TMEM131: variants seen among roughly 807,000 people sequenced by gnomAD.
TMEM131 encodes transmembrane protein 131, also known as 2610524E03Rik.
TMEM131 carries 66 observed loss-of-function variants against 211.6 expected under a neutral mutation model. The observed-to-expected ratio is 0.31, with a 90% confidence interval of 0.26 to 0.38. TMEM131 has a LOEUF of 0.38. TMEM131 is among the 10% of genes least tolerant of loss of function. The pLI is 1.00. For synonymous variants in TMEM131, 844 were observed against 841.3 expected, an observed-to-expected ratio of 1.00 and a Z score of -0.06; for missense variants, 2,036 against 2,299.3, an observed-to-expected ratio of 0.89 and a Z score of 2.34.
At chr2:97,887,975 CAA>C (rs1483989442) in intron 4 of TMEM131, 75 bp downstream of exon 4, 1 of 1,183,282 alleles carries the variant, frequency 8.5e-7, no homozygotes, top group African/African-American at 1.5e-5. Flanking sequence ...GTAACACAGG[CAA>C]AAGACAAGAC....
intron 1 of TMEM131, among the ~76,000 whole-genome samples, chr2:97,986,691 A>G (rs1680042402): frequency 6.6e-6 from 1 of 152,172 alleles, no homozygotes; most frequent in African/African-American, 2.4e-5. Flanking sequence ...CCCATTCTGA[A>G]AGAGACATTA....
chr2:97,818,769 G>T (rs1290499131), intron 11 of TMEM131, 48 bp from the exon 12 acceptor site: 3 of 1,267,736 alleles, frequency 2.4e-6, no homozygotes, highest in Non-Finnish European at 3.4e-6. Context: ...CAGACTAATG[G>T]TTCAGTTGCC....
chr2:97,932,897 T>C (rs1367451573), intron 1 of TMEM131, among the ~76,000 whole-genome samples: 1 of 152,230 alleles, frequency 6.6e-6, no homozygotes, highest in Non-Finnish European at 1.5e-5. Context: ...ATGTAATGTT[T>C]TGGTCAACGA....
chr2:97,760,462 G>C, intron 38 of TMEM131, 131 bp downstream of exon 38: 2 of 858,728 alleles, frequency 2.3e-6, no homozygotes, highest in Non-Finnish European at 3.6e-6. Flanking sequence ...AGAGGCACTT[G>C]ACCACTTCTG....
At chr2:97,796,769 T>C in intron 27 of TMEM131, 75 bp downstream of exon 27, 2 of 1,448,356 alleles carry the variant, frequency 1.4e-6, no homozygotes, top group Non-Finnish European at 1.9e-6. Context: ...ACAGAAATAA[T>C]GTTGTTTTTG....
In TMEM131 at chr2:97,815,200, C is replaced by T; in HGVS notation, c.1291G>A (p.Gly431Ser). Reference protein sequence around the residue: ...EIPYQAEVLDGYLGFDHAATL... With the variant: ...EIPYQAEVLDSYLGFDHAATL... ...AATTTATTTTAAAAAGAAACTCACCCATCTAAAACTTCTGCTTGATATGGT... is the reference window on the plus strand; with the variant it reads ...AATTTATTTTAAAAAGAAACTCACCTATCTAAAACTTCTGCTTGATATGGT... The change falls in exon 13 of 41, where the codon GGT (glycine) becomes AGT (serine). Residue 431 changes from glycine to serine, a missense_variant and splice_region_variant. Transcript: ENST00000186436. 6.8e-7 allele frequency: 1 copy of T among 1,475,626 alleles called. No homozygotes were observed. Among genetic ancestry groups the T allele is most frequent in the Non-Finnish European group, 9.1e-7 (1 of 1,101,396 alleles). The allele number at this position is 1,475,626 out of a possible 1,614,324, so 91.4% of individuals were successfully genotyped here.
rs545156986 is a variant in TMEM131 at position 97,898,055 on chromosome 2, TATTTC to T, written c.291-9940_291-9936del. On this transcript the variant is annotated intron_variant, in intron 3 of 40. Transcript: ENST00000186436. ...TTATAAGATCTGTAGTGATATCCCC[TATTTC>T]ATTACTGATTTTTTTTGTCTGCCTT... Among the ~76,000 whole-genome samples, 9 of 152,274 alleles carry T rather than the reference TATTTC, an allele frequency of 5.9e-5. No individual in the cohort carries two copies. The South Asian group carries it at 1.9e-3, about 32-fold the overall frequency.
chr2:97,952,279 AG>A lies in TMEM131; in HGVS notation c.188-24793del, dbSNP rs573810829. On this transcript the variant is annotated intron_variant, in intron 1 of 40. Transcript: ENST00000186436. Reference sequence around the variant, plus strand: ...ATGAAAAATCTAACATTAGGAGAGGAGAAAAAATGTGACGCTGAGGGAGGAT... The same window carrying A: ...ATGAAAAATCTAACATTAGGAGAGGAAAAAAATGTGACGCTGAGGGAGGAT... Among the ~76,000 whole-genome samples, 18 of 152,238 alleles carry A rather than the reference AG, an allele frequency of 1.2e-4. No homozygotes were observed. The South Asian group carries it at 3.7e-3, about 32-fold the overall frequency.
intron 32 of TMEM131, among the ~76,000 whole-genome samples, chr2:97,773,181 T>A (rs1049192093): frequency 6.6e-6 from 1 of 152,242 alleles, no homozygotes; most frequent in Non-Finnish European, 1.5e-5. Flanking sequence ...CATGCTCGCC[T>A]GCCTGCGATT....
chr2:97,886,935 C>A (rs1051949764), intron 4 of TMEM131, among the ~76,000 whole-genome samples: 1 of 152,232 alleles, frequency 6.6e-6, no homozygotes. Flanking sequence ...CATATAGGAG[C>A]CCGCTGAGGC....
At chr2:97,900,503 T>C (rs1186174725) in intron 3 of TMEM131, among the ~76,000 whole-genome samples, 1 of 152,026 alleles carries the variant, frequency 6.6e-6, no homozygotes, top group African/African-American at 2.4e-5. Context: ...CAGGATTTCC[T>C]TATTTTTTAA....
At chr2:97,905,507 T>TA (rs1676032248) in intron 3 of TMEM131, among the ~76,000 whole-genome samples, 1 of 152,174 alleles carries the variant, frequency 6.6e-6, no homozygotes, top group African/African-American at 2.4e-5. Flanking sequence ...AGACATGTGT[T>TA]AGACTGCTTG....
intron 12 of TMEM131, among the ~76,000 whole-genome samples, chr2:97,817,308 C>G (rs1681875158): frequency 6.6e-6 from 1 of 152,186 alleles, no homozygotes; most frequent in South Asian, 2.1e-4. Context: ...CTTATCCTGG[C>G]TGGGTGCAGT....
intron 3 of TMEM131, among the ~76,000 whole-genome samples, chr2:97,893,088 G>A (rs1417514965): frequency 1.3e-5 from 2 of 151,908 alleles, no homozygotes; most frequent in Admixed American, 6.6e-5. Context: ...TCCCCTCCCT[G>A]CGTCCATGTG....
At chr2:97,881,732 G>C (rs1467351469) in intron 4 of TMEM131, among the ~76,000 whole-genome samples, 5 of 130,634 alleles carry the variant, frequency 3.8e-5, no homozygotes, top group African/African-American at 1.4e-4. Context: ...AAGGGGGGGG[G>C]GCGGGGGAGG....
At chr2:97,828,484 G>A (rs914548100) in intron 11 of TMEM131, among the ~76,000 whole-genome samples, 3 of 152,180 alleles carry the variant, frequency 2.0e-5, no homozygotes, top group Admixed American at 2.0e-4. Flanking sequence ...GTTAGAGATG[G>A]CCACTGCTAC....
At chr2:97,779,680 T>G (rs901767098) in intron 31 of TMEM131, among the ~76,000 whole-genome samples, 1 of 152,140 alleles carries the variant, frequency 6.6e-6, no homozygotes, top group African/African-American at 2.4e-5. Context: ...CAGCAATCTA[T>G]TTAACAAGAC....
At chr2:97,843,758 A>G (rs527283547) in intron 6 of TMEM131, among the ~76,000 whole-genome samples, 4 of 152,340 alleles carry the variant, frequency 2.6e-5, no homozygotes, top group African/African-American at 9.6e-5. Context: ...CCAAAATTCT[A>G]TGTAAAAATA....
At chr2:97,786,720 T>C (rs1004879788) in intron 31 of TMEM131, among the ~76,000 whole-genome samples, 1 of 152,174 alleles carries the variant, frequency 6.6e-6, no homozygotes, top group Non-Finnish European at 1.5e-5. Context: ...TGAGTGTTCA[T>C]CTGAGAGGCA....
Sources: gnomAD v4.1 joint callset for allele counts (sites outside exome capture counted in the v4.1 genomes callset) on GRCh38, gnomAD v4.1.1 for gene constraint, MANE v1.5 for transcripts, NCBI Gene and HGNC (gene_info 2026-07-23, HGNC 2026-07-21) for gene names.